Variants in CELF2 observed in about 807,000 individuals in gnomAD.
CELF2 encodes CUGBP Elav-like family member 2.
A neutral mutation model predicts 62.6 loss-of-function variants in CELF2; 8 were observed. The ratio of observed to expected loss-of-function variants is 0.13; its 90% CI spans 0.07 to 0.23. The LOEUF is 0.23. Ranked by LOEUF, CELF2 falls within the 10% of genes least tolerant of loss-of-function variation. The probability of loss-of-function intolerance (pLI) is 1.00; values close to 1 mark genes in which losing one functional copy is unlikely to be tolerated. For synonymous variants in CELF2, 258 were observed against 250.0 expected, an observed-to-expected ratio of 1.03 and a Z score of -0.30; for missense variants, 333 against 671.0, an observed-to-expected ratio of 0.50 and a Z score of 5.56.
chr10:10,629,322 T>G, the CELF2 span, among the ~76,000 whole-genome samples: 1 of 152,144 alleles, frequency 6.6e-6, no homozygotes, highest in Non-Finnish European at 1.5e-5. Flanking sequence ...CATTTTCCTA[T>G]CCCCTGAAAA....
rs2046448856 is a variant in CELF2, at chr10:10,936,866, C to A, written c.89+16867C>A. 6.6e-6 allele frequency among the ~76,000 whole-genome samples: 1 copy of A among 152,108 alleles called. No individual in the cohort carries two copies. The highest frequency in any genetic ancestry group is 1.5e-5 in the Non-Finnish European group (1 of 68,030). On this transcript the variant is annotated intron_variant, in intron 2 of 13. Transcript: ENST00000636488. The surrounding 1 kb of genome is among the most constrained non-coding windows in gnomAD (Gnocchi z 4.0). ...CTGATTCAGCTGGTCTGGGGCAAAA[C>A]CTGAAATTCTGTATTTCTGACAAGC...
At chr10:10,798,698 G>A (rs929929172) in exon 1 of CELF2, 1 of 398,738 alleles carries the variant, frequency 2.5e-6, no homozygotes, top group Non-Finnish European at 4.4e-6. Flanking sequence ...AGAATCCTCC[G>A]TCTGTTCCCC....
In CELF2 at chr10:11,116,492, G is replaced by A. The variant is rs17447412; in HGVS notation, c.75-48994G>A. ...CACTAACATACATGTGAGGCCTGGA[G>A]TCTAACCAGAAACTGATCAGCAAGG... is the stretch of plus-strand genomic sequence containing the variant. On this transcript the variant is annotated intron_variant, in intron 1 of 12. Coordinates refer to ENST00000633077, the MANE Select transcript of CELF2 (RefSeq NM_001326342.2). Among the ~76,000 whole-genome samples the A allele has an allele frequency of 8.3e-3, 1,258 of 152,342 alleles. 9 individuals are homozygous for A. The highest frequency in any genetic ancestry group is 0.02 in the Middle Eastern group (6 of 294).
At chr10:11,185,033 A>G (rs1440126547) in intron 2 of CELF2, among the ~76,000 whole-genome samples, 4 of 152,230 alleles carry the variant, frequency 2.6e-5, no homozygotes, top group African/African-American at 4.8e-5. Flanking sequence ...GCCCTTTATC[A>G]AGGACATTGT....
intron 2 of CELF2, chr10:10,925,220 A>G (rs1305149080): frequency 6.6e-6 from 1 of 152,104 alleles, no homozygotes; most frequent in Non-Finnish European, 1.5e-5. Flanking sequence ...ATATGCTGGT[A>G]CTTCCAGGCC....
intron 5 of CELF2, among the ~76,000 whole-genome samples, chr10:11,263,734 A>C (rs968552750): frequency 1.3e-5 from 2 of 152,228 alleles, no homozygotes; most frequent in African/African-American, 2.4e-5. Flanking sequence ...TGTTAGTATA[A>C]AGCCATACAT....
At chr10:11,052,997 T>G (rs956744454) in intron 1 of CELF2, among the ~76,000 whole-genome samples, 7 of 152,230 alleles carry the variant, frequency 4.6e-5, no homozygotes, top group Middle Eastern at 3.2e-3. Context: ...AGCCTGAGTT[T>G]TTTTTTTAAA....
In CELF2 at chr10:10,933,346, C is replaced by A. The variant is rs567847921; in HGVS notation, c.89+13347C>A. Among the ~76,000 whole-genome samples the A allele has an allele frequency of 2.0e-5, 3 of 152,096 alleles. No individual in the cohort carries two copies. The South Asian group carries it at 6.2e-4, about 32-fold the overall frequency. ...AATAGTTATACATATTTATGTGGTA[C>A]AGTATGATATTTCTATACCTGAATA... On this transcript the variant is annotated intron_variant, in intron 2 of 13. Coordinates refer to the CELF2 transcript ENST00000636488.
chr10:11,120,264 C>A (rs1206110156), intron 1 of CELF2, among the ~76,000 whole-genome samples: 1 of 152,096 alleles, frequency 6.6e-6, no homozygotes, highest in Non-Finnish European at 1.5e-5. Context: ...GGAGACCCTA[C>A]TTAATAGTCC....
At chr10:10,651,296 G>T in the CELF2 span, among the ~76,000 whole-genome samples, 3 of 147,214 alleles carry the variant, frequency 2.0e-5, no homozygotes, top group Non-Finnish European at 4.5e-5. Flanking sequence ...GCTGGGGGAG[G>T]GGTGCCCGCC....
At chr10:11,152,099 A>G (rs1213805545) in intron 1 of CELF2, among the ~76,000 whole-genome samples, 2 of 152,192 alleles carry the variant, frequency 1.3e-5, no homozygotes, top group African/African-American at 4.8e-5. Context: ...GACTCCTGTG[A>G]ATTTTCCTCT....
the CELF2 span, among the ~76,000 whole-genome samples, chr10:10,712,878 A>G: frequency 6.6e-6 from 1 of 152,192 alleles, no homozygotes; most frequent in East Asian, 1.9e-4. Context: ...GATGAATCCA[A>G]TCATCTCCCA....
chr10:10,532,956 G>GT, the CELF2 span, among the ~76,000 whole-genome samples: 1 of 151,824 alleles, frequency 6.6e-6, no homozygotes, highest in Non-Finnish European at 1.5e-5. Flanking sequence ...GGAGAGTTGG[G>GT]TTGATGGGAA....
At chr10:11,101,993 G>A (rs148110962) in intron 1 of CELF2, 18 of 151,984 alleles carry the variant, frequency 1.2e-4, no homozygotes, top group Admixed American at 3.9e-4. Context: ...TGTTTTTAAG[G>A]GTGTTTTTTT....
chr10:10,865,824 GA>G (rs1295595254), intron 1 of CELF2, among the ~76,000 whole-genome samples: 2 of 151,636 alleles, frequency 1.3e-5, no homozygotes, highest in East Asian at 3.9e-4. Flanking sequence ...GAAAAAAAAA[GA>G]TTTTTTTTTT....
intron 1 of CELF2, among the ~76,000 whole-genome samples, chr10:10,899,692 G>A (rs1209930259): frequency 1.3e-5 from 2 of 152,200 alleles, no homozygotes; most frequent in Non-Finnish European, 2.9e-5. Flanking sequence ...TCTGCAGGCT[G>A]TACAGGAAGC....
the CELF2 span, among the ~76,000 whole-genome samples, chr10:10,637,030 TTA>T: frequency 6.6e-6 from 1 of 152,158 alleles, no homozygotes; most frequent in South Asian, 2.1e-4. Flanking sequence ...TTCATGGTAA[TTA>T]TATATATGAG....
intron 1 of CELF2, among the ~76,000 whole-genome samples, chr10:11,132,070 C>T (rs2059711214): frequency 6.6e-6 from 1 of 152,212 alleles, no homozygotes; most frequent in Admixed American, 6.5e-5. Context: ...TATCTGTGCA[C>T]ATGTGTGCCC....
the CELF2 span, among the ~76,000 whole-genome samples, chr10:10,774,805 C>A: frequency 1.3e-5 from 2 of 152,078 alleles, no homozygotes; most frequent in African/African-American, 4.8e-5. Flanking sequence ...GCACTGGTGG[C>A]ATTTTCTCTA....
Sources: allele counts gnomAD v4.1 joint callset (sites outside exome capture counted in the v4.1 genomes callset), GRCh38; gene constraint gnomAD v4.1.1; non-coding constraint Gnocchi (gnomAD v3.1); transcripts MANE v1.5; gene names NCBI Gene and HGNC (gene_info 2026-07-23, HGNC 2026-07-21).